SMIM35: variants seen among roughly 807,000 people sequenced by gnomAD.
SMIM35 encodes TMPRSS4 antisense RNA 1 (non-protein coding).
rs536898565 is a variant in SMIM35 at position 118,005,739 on chromosome 11, T to G, written c.*671A>C. The G allele has an allele frequency of 2.6e-5, 4 of 152,842 alleles. No homozygotes were observed. The East Asian group carries it at 7.7e-4, about 30-fold the overall frequency. The allele number at this position is 152,842 out of a possible 1,614,324, so 9.5% of individuals were successfully genotyped here. A position where few individuals can be genotyped will look rare whatever the true frequency, so the allele number is the denominator to read the frequency against. Reference sequence around the variant, plus strand: ...CCACTGTCATCTGGTCAAATTCATCTTCACCTCTCCCCTGGACCACCATGA... The same window carrying G: ...CCACTGTCATCTGGTCAAATTCATCGTCACCTCTCCCCTGGACCACCATGA... On this transcript the variant is annotated 3_prime_UTR_variant, in exon 5 of 5. Coordinates refer to ENST00000689828, the MANE Select transcript of SMIM35 (RefSeq NM_001394165.1).
At chr11:118,031,046 GATTA>G (rs1245558395) in intron 1 of SMIM35, among the ~76,000 whole-genome samples, 1 of 152,118 alleles carries the variant, frequency 6.6e-6, no homozygotes. Flanking sequence ...ACATACAAAG[GATTA>G]ATTAAGTAGT....
At chr11:118,019,794 A>G (rs756941058) in intron 1 of SMIM35, among the ~76,000 whole-genome samples, 1 of 152,048 alleles carries the variant, frequency 6.6e-6, no homozygotes, top group Non-Finnish European at 1.5e-5. Flanking sequence ...TTGTATGGAA[A>G]TTAATTTTCC....
At chr11:118,066,988 G>T (rs565511872) in intron 1 of SMIM35, among the ~76,000 whole-genome samples, 126 of 152,056 alleles carry the variant, frequency 8.3e-4, no homozygotes, top group African/African-American at 2.8e-3. Context: ...GCTTGTGCTT[G>T]CCTGCATCCT....
At chr11:118,032,786 T>C (rs550883612) in intron 1 of SMIM35, among the ~76,000 whole-genome samples, 125 of 152,204 alleles carry the variant, frequency 8.2e-4, no homozygotes, top group Non-Finnish European at 1.4e-3. Context: ...CAGGCGCCTA[T>C]AGTCCCACCT....
intron 4 of SMIM35, among the ~76,000 whole-genome samples, chr11:118,008,973 G>A (rs953781843): frequency 2.6e-5 from 4 of 152,186 alleles, no homozygotes; most frequent in Admixed American, 2.6e-4. Context: ...AAGTTATGGG[G>A]GCCTGAGACT....
chr11:118,044,409 G>A (rs796802337), intron 1 of SMIM35, among the ~76,000 whole-genome samples: 16 of 151,616 alleles, frequency 1.1e-4, no homozygotes, highest in African/African-American at 3.4e-4. Flanking sequence ...CAAGCCATTT[G>A]GATGAACTGA....
intron 1 of SMIM35, among the ~76,000 whole-genome samples, chr11:118,078,170 C>T (rs1461622152): frequency 6.6e-6 from 1 of 152,088 alleles, no homozygotes; most frequent in Non-Finnish European, 1.5e-5. Flanking sequence ...CCTGGAGCGT[C>T]TTCGCTGTCT....
intron 1 of SMIM35, among the ~76,000 whole-genome samples, chr11:118,049,273 A>AC (rs1256852588): frequency 6.7e-6 from 1 of 148,796 alleles, no homozygotes; most frequent in Non-Finnish European, 1.5e-5. Context: ...CTGGCTGGGG[A>AC]CCCCAGAACC....
intron 1 of SMIM35, among the ~76,000 whole-genome samples, chr11:118,020,736 G>A (rs2058221366): frequency 6.6e-6 from 1 of 152,010 alleles, no homozygotes; most frequent in African/African-American, 2.4e-5. Flanking sequence ...GGTCTTCCTT[G>A]GATATGTAGA....
At position 118,005,829 on chromosome 11, in the gene SMIM35, C is replaced by T. The variant is rs572819105; in HGVS notation, c.*581G>A. 4.6e-5 allele frequency: 7 copies of T among 152,544 alleles called. No homozygotes were observed. The East Asian group carries it at 1.4e-3, about 29-fold the overall frequency. 9.4% of individuals were successfully genotyped at this position (152,544 alleles called of 1,614,324 possible). A position where few individuals can be genotyped will look rare whatever the true frequency, so the allele number is the denominator to read the frequency against. On this transcript the variant is annotated 3_prime_UTR_variant, in exon 5 of 5. Transcript: ENST00000689828. Reference sequence around the variant, plus strand: ...AGTCTAATCTCCATACCGCAGTCCTCCTGATGCAGTGCACAGAGCTGCATG... The same window carrying T: ...AGTCTAATCTCCATACCGCAGTCCTTCTGATGCAGTGCACAGAGCTGCATG...
intron 1 of SMIM35, among the ~76,000 whole-genome samples, 184 bp downstream of exon 1, chr11:118,086,567 C>G (rs925817970): frequency 6.6e-6 from 1 of 152,196 alleles, no homozygotes. Context: ...GGCTGGTGGC[C>G]GACCTGCCTA....
At chr11:118,049,921 G>A (rs953857875) in intron 1 of SMIM35, among the ~76,000 whole-genome samples, 2 of 152,098 alleles carry the variant, frequency 1.3e-5, no homozygotes, top group African/African-American at 4.8e-5. Context: ...GGGAGGTGTT[G>A]TGGAGACCTG....
chr11:118,052,828 C>A (rs1944240048), intron 1 of SMIM35, among the ~76,000 whole-genome samples: 4 of 152,118 alleles, frequency 2.6e-5, no homozygotes, highest in Admixed American at 2.6e-4. Flanking sequence ...CAATAGGAAG[C>A]CTTCTCCCAG....
chr11:118,021,018 G>A (rs921734396), intron 1 of SMIM35, among the ~76,000 whole-genome samples: 15 of 144,942 alleles, frequency 1.0e-4, no homozygotes, highest in Admixed American at 3.4e-4. Flanking sequence ...TTGGCAGTGC[G>A]TTTTTAGTTT....
chr11:118,033,613 G>T (rs78823230), intron 1 of SMIM35, among the ~76,000 whole-genome samples: 10,105 of 152,206 alleles, frequency 0.066, 578 homozygotes, highest in East Asian at 0.3. Flanking sequence ...AAACATGGAA[G>T]GGTGAACGCA....
chr11:118,068,921 A>G (rs1334420162), intron 1 of SMIM35, among the ~76,000 whole-genome samples: 1 of 152,202 alleles, frequency 6.6e-6, no homozygotes, highest in East Asian at 1.9e-4. Flanking sequence ...TCAATACATT[A>G]TCATCCGTGG....
chr11:118,053,000 T>C (rs1212703587), intron 1 of SMIM35, among the ~76,000 whole-genome samples: 1 of 152,160 alleles, frequency 6.6e-6, no homozygotes, highest in Non-Finnish European at 1.5e-5. Context: ...TCTGATTCTG[T>C]GTCTCCAAAG....
chr11:118,060,862 AG>A (rs551254620), intron 1 of SMIM35, among the ~76,000 whole-genome samples: 130 of 152,192 alleles, frequency 8.5e-4, no homozygotes, highest in African/African-American at 3.0e-3. Context: ...TTGGATCCCC[AG>A]GCAGACACCC....
chr11:118,049,126 CTTTTCCAGG>C (rs1425635769), intron 1 of SMIM35, among the ~76,000 whole-genome samples: 1 of 151,952 alleles, frequency 6.6e-6, no homozygotes, highest in African/African-American at 2.4e-5. Flanking sequence ...GGTCAGGGAT[CTTTTCCAGG>C]CCTCCACAGG....
Sources: allele counts gnomAD v4.1 joint callset (sites outside exome capture counted in the v4.1 genomes callset), GRCh38; gene constraint gnomAD v4.1.1; transcripts MANE v1.5; gene names NCBI Gene and HGNC (gene_info 2026-07-23, HGNC 2026-07-21).